SPMIP7: variants seen among roughly 807,000 people sequenced by gnomAD.
SPMIP7 encodes the protein protein SPMIP7.
At chr7:50,106,017 C>T in the SPMIP7 span, among the ~76,000 whole-genome samples, 1 of 152,102 alleles carries the variant, frequency 6.6e-6, no homozygotes, top group Non-Finnish European at 1.5e-5. Context: ...CATGGAAAGG[C>T]TTATTAGCAT....
the SPMIP7 span, among the ~76,000 whole-genome samples, chr7:50,127,170 T>A: frequency 2.6e-5 from 4 of 152,048 alleles, no homozygotes; most frequent in Non-Finnish European, 5.9e-5. Flanking sequence ...GACAGTCTTT[T>A]CCATAAATGG....
At chr7:50,101,996 C>T in the SPMIP7 span, among the ~76,000 whole-genome samples, 1 of 152,142 alleles carries the variant, frequency 6.6e-6, no homozygotes, top group Non-Finnish European at 1.5e-5. Flanking sequence ...AACGTCATCT[C>T]GGTCTTCTGT....
chr7:50,116,281 A>G, the SPMIP7 span, among the ~76,000 whole-genome samples: 1 of 152,014 alleles, frequency 6.6e-6, no homozygotes, highest in Non-Finnish European at 1.5e-5. Context: ...ATGCCCAGCT[A>G]ATTTTTGTAT....
the SPMIP7 span, among the ~76,000 whole-genome samples, chr7:50,138,018 A>G: frequency 6.6e-6 from 1 of 152,032 alleles, no homozygotes; most frequent in Non-Finnish European, 1.5e-5. Flanking sequence ...ATTCATCAAT[A>G]TTTTTCTTCA....
chr7:50,108,166 A>G, the SPMIP7 span, among the ~76,000 whole-genome samples: 1 of 152,214 alleles, frequency 6.6e-6, no homozygotes, highest in African/African-American at 2.4e-5. Context: ...CCACTGAATC[A>G]GATTACAAGA....
At chr7:50,119,133 C>T in the SPMIP7 span, among the ~76,000 whole-genome samples, 1 of 152,102 alleles carries the variant, frequency 6.6e-6, no homozygotes, top group African/African-American at 2.4e-5. Flanking sequence ...ACCCATGGTC[C>T]TCTCCCTATT....
the SPMIP7 span, among the ~76,000 whole-genome samples, chr7:50,110,126 G>A: frequency 6.6e-6 from 1 of 151,870 alleles, no homozygotes; most frequent in Non-Finnish European, 1.5e-5. Context: ...ATTTAATTAT[G>A]TGGTAAAATG....
the SPMIP7 span, among the ~76,000 whole-genome samples, chr7:50,156,397 C>T: frequency 2.6e-5 from 4 of 152,060 alleles, no homozygotes; most frequent in East Asian, 1.9e-4. Context: ...CATCTTCACA[C>T]GGGCATCCCC....
chr7:50,156,932 C>T, the SPMIP7 span, among the ~76,000 whole-genome samples: 1 of 152,148 alleles, frequency 6.6e-6, no homozygotes, highest in African/African-American at 2.4e-5. Context: ...TCCCGTGCCT[C>T]CTGCCTTCAC....
chr7:50,118,837 C>T, the SPMIP7 span, among the ~76,000 whole-genome samples: 6 of 152,116 alleles, frequency 3.9e-5, no homozygotes, highest in Admixed American at 1.3e-4. Flanking sequence ...AATATTACCT[C>T]GGCTTTAATG....
At chr7:50,117,215 A>T in the SPMIP7 span, 7 of 455,000 alleles carry the variant, frequency 1.5e-5, no homozygotes, top group Non-Finnish European at 2.6e-5. Flanking sequence ...CACGCTGTTC[A>T]TTCATGAAAA....
chr7:50,139,997 T>G, the SPMIP7 span: 3 of 583,820 alleles, frequency 5.1e-6, no homozygotes, highest in South Asian at 5.1e-5. Flanking sequence ...AAATAGTCTC[T>G]GTTTAAAATC....
chr7:50,158,717 G>A, the SPMIP7 span, among the ~76,000 whole-genome samples: 1 of 151,784 alleles, frequency 6.6e-6, no homozygotes, highest in South Asian at 2.1e-4. Flanking sequence ...CCTCCTTGGA[G>A]GAGACTCCTC....
At chr7:50,116,301 G>A in the SPMIP7 span, among the ~76,000 whole-genome samples, 1 of 152,084 alleles carries the variant, frequency 6.6e-6, no homozygotes, top group Non-Finnish European at 1.5e-5. Flanking sequence ...TTTTTGTGGA[G>A]ACAGGGTCTC....
the SPMIP7 span, among the ~76,000 whole-genome samples, chr7:50,100,226 A>C: frequency 6.6e-6 from 1 of 152,202 alleles, no homozygotes; most frequent in Non-Finnish European, 1.5e-5. Context: ...TGAGGGGAGA[A>C]CAACCTGAAT....
the SPMIP7 span, among the ~76,000 whole-genome samples, chr7:50,102,102 T>A: frequency 6.6e-6 from 1 of 152,138 alleles, no homozygotes; most frequent in Non-Finnish European, 1.5e-5. Flanking sequence ...GGCAGGCGGA[T>A]TATCTGAGGT....
At chr7:50,102,901 C>G in the SPMIP7 span, among the ~76,000 whole-genome samples, 1 of 150,680 alleles carries the variant, frequency 6.6e-6, no homozygotes, top group Non-Finnish European at 1.5e-5. Context: ...AAATGAAGCT[C>G]AGATGGGTCG....
At chr7:50,147,454 C>T in the SPMIP7 span, among the ~76,000 whole-genome samples, 2 of 152,142 alleles carry the variant, frequency 1.3e-5, no homozygotes, top group South Asian at 2.1e-4. Flanking sequence ...ACCTATGACA[C>T]AAGATTGTTG....
chr7:50,140,976 A>T, the SPMIP7 span, among the ~76,000 whole-genome samples: 1 of 152,162 alleles, frequency 6.6e-6, no homozygotes, highest in Non-Finnish European at 1.5e-5. Context: ...CCGGTCTCCA[A>T]AGGAGTTGTG....
Sources: gnomAD v4.1 joint callset for allele counts (sites outside exome capture counted in the v4.1 genomes callset) on GRCh38, gnomAD v4.1.1 for gene constraint, MANE v1.5 for transcripts, NCBI Gene and HGNC (gene_info 2026-07-23, HGNC 2026-07-21) for gene names.